Variants in NKAIN3 observed in about 807,000 individuals in gnomAD.
NKAIN3 encodes sodium/potassium transporting ATPase interacting 3, also known as sodium/potassium-transporting ATPase subunit beta-1-interacting protein 3.
NKAIN3 carries 25 observed loss-of-function variants against 30.2 expected under a neutral mutation model. That is an observed-to-expected ratio of 0.83 (90% confidence interval 0.60 to 1.16). The LOEUF (loss-of-function observed/expected upper bound fraction) is 1.16, where lower values mean the gene tolerates loss of function less well. Ranked by LOEUF, NKAIN3 falls within the 50% of genes most tolerant of loss-of-function variation. The pLI, the probability that NKAIN3 is intolerant of heterozygous loss-of-function variation, is 0.00. For synonymous variants in NKAIN3, 91 were observed against 89.6 expected (o/e 1.02, Z -0.09); for missense variants, 225 against 254.1 (o/e 0.89, Z 0.78).
At chr8:62,508,590 TAAA>T (rs1186683022) in intron 1 of NKAIN3, among the ~76,000 whole-genome samples, 1 of 152,146 alleles carries the variant, frequency 6.6e-6, no homozygotes, top group Non-Finnish European at 1.5e-5. Context: ...GAGAGCTTGA[TAAA>T]ATAATATGTT....
chr8:62,806,352 T>C (rs888833294), intron 4 of NKAIN3, among the ~76,000 whole-genome samples: 1 of 152,136 alleles, frequency 6.6e-6, no homozygotes, highest in African/African-American at 2.4e-5. Flanking sequence ...GACACATGCA[T>C]ACGTATGTTT....
At chr8:62,619,768 G>A (rs1328265863) in intron 3 of NKAIN3, among the ~76,000 whole-genome samples, 5 of 151,146 alleles carry the variant, frequency 3.3e-5, no homozygotes, top group African/African-American at 7.3e-5. Flanking sequence ...ACCACTGAAC[G>A]AACATGCCTT....
intron 5 of NKAIN3, among the ~76,000 whole-genome samples, chr8:62,934,846 G>A (rs1309798078): frequency 6.6e-6 from 1 of 152,072 alleles, no homozygotes; most frequent in African/African-American, 2.4e-5. Flanking sequence ...AAAAAACGGG[G>A]TAGAAAATGA....
rs377497952 is a variant in NKAIN3, at chr8:62,635,535, A to G, written c.273+45741A>G. Among the ~76,000 whole-genome samples, 333 of 152,246 alleles carry G rather than the reference A, an allele frequency of 2.2e-3. 1 individual carries two copies. The highest frequency in any genetic ancestry group is 7.7e-3 in the African/African-American group (319 of 41,552). ...TGGTCAGGAGATTTTTTTCCACCCC[A>G]AAATTAGTATGTTGACAGCCTAACC... is the stretch of plus-strand genomic sequence containing the variant. On this transcript the variant is annotated intron_variant, in intron 3 of 6. Coordinates refer to ENST00000623646, the MANE Select transcript of NKAIN3 (RefSeq NM_001304533.3).
intron 5 of NKAIN3, among the ~76,000 whole-genome samples, chr8:62,995,047 G>A (rs1385018474): frequency 6.6e-6 from 1 of 152,132 alleles, no homozygotes; most frequent in Non-Finnish European, 1.5e-5. Context: ...AGAGTAAACA[G>A]CATGATTGAA....
chr8:62,605,600 G>T (rs1811101146), intron 3 of NKAIN3, among the ~76,000 whole-genome samples: 1 of 151,702 alleles, frequency 6.6e-6, no homozygotes, highest in East Asian at 1.9e-4. Context: ...CTATTTGGAA[G>T]AAAGCAATAA....
In NKAIN3 at chr8:62,641,011, A is replaced by T. The variant is rs930125848; in HGVS notation, c.273+51217A>T. Among the ~76,000 whole-genome samples the T allele has an allele frequency of 3.0e-4, 44 of 146,704 alleles. No individual in the cohort carries two copies. The South Asian group carries it at 7.4e-3, about 25-fold the overall frequency. ...AGAAATAGAAAAGCCTCATTTATTT[A>T]TTTTTTTTTTTTAGTCCCTTGCTTC... On this transcript the variant is annotated intron_variant, in intron 3 of 6. Coordinates refer to ENST00000623646, the MANE Select transcript of NKAIN3 (RefSeq NM_001304533.3).
At chr8:62,919,723 A>C (rs941173503) in intron 5 of NKAIN3, among the ~76,000 whole-genome samples, 3 of 152,158 alleles carry the variant, frequency 2.0e-5, no homozygotes, top group Non-Finnish European at 4.4e-5. Flanking sequence ...ACACAACCTC[A>C]AAGGGGTCTG....
intron 4 of NKAIN3, among the ~76,000 whole-genome samples, chr8:62,762,941 A>G (rs1002062543): frequency 6.6e-6 from 1 of 152,032 alleles, no homozygotes; most frequent in Non-Finnish European, 1.5e-5. Context: ...CAACTTATAT[A>G]GGCTGGGCAC....
intron 3 of NKAIN3, among the ~76,000 whole-genome samples, chr8:62,593,794 A>G (rs73259167): frequency 0.017 from 2,658 of 152,158 alleles, 76 homozygotes; most frequent in African/African-American, 0.062. Flanking sequence ...TCACCTTGCT[A>G]GAGGGAGTAA....
intron 1 of NKAIN3, among the ~76,000 whole-genome samples, chr8:62,463,940 A>G (rs921496): frequency 0.18 from 27,884 of 152,120 alleles, 2,672 homozygotes; most frequent in African/African-American, 0.21. Flanking sequence ...AGGTGAAACT[A>G]CAGAAAGAAA....
chr8:62,919,889 T>C (rs1266042337), intron 5 of NKAIN3, among the ~76,000 whole-genome samples: 1 of 139,758 alleles, frequency 7.2e-6, no homozygotes, highest in Non-Finnish European at 1.5e-5. Context: ...GCATCATGTA[T>C]TTAATGCTTA....
chr8:62,301,123 C>T (rs1016999191), intron 1 of NKAIN3, among the ~76,000 whole-genome samples: 10 of 151,910 alleles, frequency 6.6e-5, no homozygotes, highest in African/African-American at 1.9e-4. Flanking sequence ...CAGTCGAATT[C>T]ATAAGTTTAA....
At chr8:62,607,764 C>T (rs903672152) in intron 3 of NKAIN3, among the ~76,000 whole-genome samples, 3 of 151,774 alleles carry the variant, frequency 2.0e-5, no homozygotes, top group African/African-American at 4.8e-5. Flanking sequence ...AATATAGTAT[C>T]CTGAAGGATG....
At chr8:62,375,751 A>C (rs1229606370) in intron 1 of NKAIN3, among the ~76,000 whole-genome samples, 1 of 152,220 alleles carries the variant, frequency 6.6e-6, no homozygotes, top group African/African-American at 2.4e-5. Context: ...TAATGATATT[A>C]AAATGCTTAA....
At chr8:62,293,871 G>T (rs897403753) in intron 1 of NKAIN3, among the ~76,000 whole-genome samples, 3 of 152,176 alleles carry the variant, frequency 2.0e-5, no homozygotes, top group Non-Finnish European at 4.4e-5. Context: ...TCCTTGAGCT[G>T]CAGTGGGCTC....
intron 1 of NKAIN3, among the ~76,000 whole-genome samples, chr8:62,503,352 G>A (rs1275512786): frequency 1.3e-5 from 2 of 152,166 alleles, no homozygotes; most frequent in Non-Finnish European, 2.9e-5. Context: ...AGGGGCAAAA[G>A]GCAGAGCAAA....
intron 1 of NKAIN3, among the ~76,000 whole-genome samples, chr8:62,396,422 T>G (rs577459293): frequency 2.0e-5 from 3 of 152,320 alleles, no homozygotes; most frequent in Non-Finnish European, 4.4e-5. Flanking sequence ...AGCTTAGGCT[T>G]TTCTTACAAA....
At chr8:62,587,926 T>A (rs1205161691) in intron 2 of NKAIN3, among the ~76,000 whole-genome samples, 3 of 151,958 alleles carry the variant, frequency 2.0e-5, no homozygotes, top group Non-Finnish European at 2.9e-5. Context: ...AATAGATGTG[T>A]TTTATTATGC....
Sources: gnomAD v4.1 joint callset for allele counts (sites outside exome capture counted in the v4.1 genomes callset) on GRCh38, gnomAD v4.1.1 for gene constraint, MANE v1.5 for transcripts, NCBI Gene and HGNC (gene_info 2026-07-23, HGNC 2026-07-21) for gene names.